TMEM135: variants seen among roughly 807,000 people sequenced by gnomAD.
TMEM135 encodes peroxisomal membrane protein 52.
Under a neutral mutation model 60.3 loss-of-function variants are expected in TMEM135, and 30 were observed. That is an observed-to-expected ratio of 0.50 (90% CI 0.37 to 0.68). The LOEUF (loss-of-function observed/expected upper bound fraction) is 0.68. TMEM135 is among the 30% of genes least tolerant of loss of function. The probability of loss-of-function intolerance (pLI) is 0.00; values close to 1 mark genes in which losing one functional copy is unlikely to be tolerated. For missense variants in TMEM135, 468 were observed against 548.8 expected, an observed-to-expected ratio of 0.85 and a Z score of 1.47; for synonymous variants, 190 against 186.7, an observed-to-expected ratio of 1.02 and a Z score of -0.14.
intron 4 of TMEM135, among the ~76,000 whole-genome samples, chr11:87,150,437 C>A (rs933001495): frequency 2.6e-5 from 4 of 152,122 alleles, no homozygotes; most frequent in Non-Finnish European, 5.9e-5. Flanking sequence ...CTTCCTACTA[C>A]AGAAGATGGG....
intron 3 of TMEM135, among the ~76,000 whole-genome samples, chr11:87,089,262 C>T (rs772126032): frequency 1.1e-4 from 17 of 152,264 alleles, no homozygotes; most frequent in East Asian, 3.9e-4. Context: ...CAGCGGGGTA[C>T]GGTAGCACAT....
At chr11:87,152,047 TCA>T (rs1317294160) in intron 4 of TMEM135, among the ~76,000 whole-genome samples, 5 of 152,224 alleles carry the variant, frequency 3.3e-5, no homozygotes, top group Non-Finnish European at 2.9e-5. Context: ...CCACCAGTTC[TCA>T]GTCTTACCTG....
chr11:87,319,057 C>A (rs576193218), intron 13 of TMEM135: 2 of 400,598 alleles, frequency 5.0e-6, no homozygotes, highest in East Asian at 1.1e-4. Context: ...TCAGTAGAGA[C>A]GGGTTTTCTC....
At chr11:87,299,946 AG>A (rs1942414463) in intron 7 of TMEM135, among the ~76,000 whole-genome samples, 1 of 152,148 alleles carries the variant, frequency 6.6e-6, no homozygotes, top group African/African-American at 2.4e-5. Context: ...GGTGGGGGCG[AG>A]TGGGAATGAG....
chr11:87,100,299 T>G (rs181529706), intron 4 of TMEM135, among the ~76,000 whole-genome samples: 1 of 152,340 alleles, frequency 6.6e-6, no homozygotes, highest in Non-Finnish European at 1.5e-5. Flanking sequence ...AATAATTACC[T>G]GATACACTTC....
intron 11 of TMEM135, among the ~76,000 whole-genome samples, 166 bp from the exon 12 acceptor site, chr11:87,314,305 A>G (rs1320846875): frequency 1.3e-5 from 2 of 151,836 alleles, no homozygotes; most frequent in Non-Finnish European, 3.0e-5. Context: ...AAAAATATGC[A>G]ATAATATCTC....
At chr11:87,236,727 A>T in intron 6 of TMEM135, 43 bp downstream of exon 6, 1 of 1,549,490 alleles carries the variant, frequency 6.5e-7, no homozygotes, top group Non-Finnish European at 8.9e-7. Flanking sequence ...CCCAAACAGT[A>T]TCTCTTTGTA....
chr11:87,071,663 C>T lies in TMEM135; in HGVS notation c.362+48C>T, dbSNP rs768900364. On this transcript the variant is annotated intron_variant, in intron 3 of 14. Transcript: ENST00000305494. The stretch of plus-strand genomic sequence containing the variant: ...AACGGAACTGATTACCTGTCCCCTA[C>T]CCCAACTATAATTTTTTTTTTTTTA... 3.5e-6 allele frequency: 5 copies of T among 1,420,156 alleles called. No homozygotes were observed. In the South Asian group the frequency reaches 5.1e-5, roughly 14 times the overall value. 88.0% of individuals were successfully genotyped at this position (1,420,156 alleles called of 1,614,324 possible). A position where few individuals can be genotyped will look rare whatever the true frequency, so the allele number is the denominator to read the frequency against.
chr11:87,074,966 G>A (rs139570688), intron 3 of TMEM135, among the ~76,000 whole-genome samples: 3 of 151,806 alleles, frequency 2.0e-5, no homozygotes, highest in African/African-American at 4.8e-5. Context: ...TTGAGATAGG[G>A]TCTTGCTTTG....
intron 6 of TMEM135, among the ~76,000 whole-genome samples, chr11:87,237,157 T>C (rs1274998435): frequency 6.6e-6 from 1 of 151,920 alleles, no homozygotes; most frequent in Admixed American, 6.6e-5. Flanking sequence ...AATGTCAAAG[T>C]TGTACTTTTC....
chr11:87,260,799 CTG>C (rs1200017409), intron 6 of TMEM135, among the ~76,000 whole-genome samples: 1 of 151,516 alleles, frequency 6.6e-6, no homozygotes, highest in Non-Finnish European at 1.5e-5. Flanking sequence ...TGTTAATAAA[CTG>C]TTACAAATTT....
intron 6 of TMEM135, among the ~76,000 whole-genome samples, chr11:87,285,203 G>C (rs995996453): frequency 5.9e-5 from 9 of 152,120 alleles, no homozygotes; most frequent in African/African-American, 2.2e-4. Context: ...TAGTACTAAG[G>C]TAAGCTCTAT....
intron 6 of TMEM135, among the ~76,000 whole-genome samples, chr11:87,280,491 T>C (rs1043177237): frequency 5.9e-5 from 9 of 152,198 alleles, no homozygotes; most frequent in Non-Finnish European, 2.9e-5. Context: ...TCCAGTGTTT[T>C]CTTTTTTCTA....
At chr11:87,173,573 G>A (rs603140) in intron 5 of TMEM135, among the ~76,000 whole-genome samples, 56,136 of 152,000 alleles carry the variant, frequency 0.37, 10,905 homozygotes, top group East Asian at 0.67. Flanking sequence ...GATAATGTCT[G>A]TAAGGCAGCT....
intron 5 of TMEM135, among the ~76,000 whole-genome samples, chr11:87,220,694 A>T (rs1940599053): frequency 6.6e-6 from 1 of 152,168 alleles, no homozygotes; most frequent in Non-Finnish European, 1.5e-5. Flanking sequence ...TTATTTCGAG[A>T]AGACTCTAGC....
intron 4 of TMEM135, among the ~76,000 whole-genome samples, chr11:87,138,401 T>G (rs1938168340): frequency 6.6e-6 from 1 of 152,198 alleles, no homozygotes; most frequent in African/African-American, 2.4e-5. Context: ...CCAAATTGAT[T>G]TCATTAATAT....
In TMEM135 at chr11:87,132,969, C is replaced by T. The variant is rs963203834; in HGVS notation, c.397-24372C>T. ...GCACTTTGGGGCCATTATTAAGTAA[C>T]GTAAGAGTTACTCAAATACATGCAC... On this transcript the variant is annotated intron_variant, in intron 4 of 14. Coordinates refer to ENST00000305494, the MANE Select transcript of TMEM135 (RefSeq NM_022918.4). Among the ~76,000 whole-genome samples the T allele has an allele frequency of 4.6e-5, 7 of 152,204 alleles. No individual in the cohort carries two copies. The East Asian group carries it at 9.7e-4, about 21-fold the overall frequency.
intron 2 of TMEM135, among the ~76,000 whole-genome samples, chr11:87,070,678 C>T (rs1036318915): frequency 4.6e-5 from 7 of 151,918 alleles, no homozygotes; most frequent in Non-Finnish European, 7.4e-5. Context: ...AAACGAAACC[C>T]AGACAGCTAC....
chr11:87,314,391 A>G (rs911214923), intron 11 of TMEM135, 80 bp from the exon 12 acceptor site: 5 of 1,211,904 alleles, frequency 4.1e-6, no homozygotes, highest in Non-Finnish European at 6.0e-6. Context: ...ATTCTATGTA[A>G]GTGAATTAAC....
Sources: gnomAD v4.1 joint callset for allele counts (sites outside exome capture counted in the v4.1 genomes callset) on GRCh38, gnomAD v4.1.1 for gene constraint, MANE v1.5 for transcripts, NCBI Gene and HGNC (gene_info 2026-07-23, HGNC 2026-07-21) for gene names.